The following FCHSD2 variants were observed in gnomAD, a reference collection of about 807,000 sequenced individuals.
FCHSD2 encodes FCH and double SH3 domains 2.
A neutral mutation model predicts 108.1 loss-of-function variants in FCHSD2; 38 were observed. The observed-to-expected ratio is 0.35, with a 90% confidence interval of 0.27 to 0.46. FCHSD2 has a LOEUF of 0.46. Ranked by LOEUF, FCHSD2 falls within the 20% of genes least tolerant of loss-of-function variation. The probability of loss-of-function intolerance (pLI) is 1.00; values close to 1 mark genes in which losing one functional copy is unlikely to be tolerated. For missense variants in FCHSD2, 751 were observed against 897.8 expected (o/e 0.84, Z 2.09); for synonymous variants, 279 against 314.7 (o/e 0.89, Z 1.20).
intron 2 of FCHSD2, among the ~76,000 whole-genome samples, chr11:73,108,851 G>T (rs916636723): frequency 2.6e-5 from 4 of 152,190 alleles, no homozygotes; most frequent in African/African-American, 9.7e-5. Flanking sequence ...GATTACAGGC[G>T]TGAGCCACCG....
chr11:72,850,221 C>A (rs1219386429), intron 13 of FCHSD2, among the ~76,000 whole-genome samples: 2 of 151,966 alleles, frequency 1.3e-5, no homozygotes, highest in African/African-American at 4.8e-5. Flanking sequence ...CACCACCACA[C>A]CTGGCTAATT....
At chr11:72,909,175 T>C (rs973430231) in intron 9 of FCHSD2, among the ~76,000 whole-genome samples, 1 of 152,078 alleles carries the variant, frequency 6.6e-6, no homozygotes, top group Non-Finnish European at 1.5e-5. Flanking sequence ...TGTCTGGGAT[T>C]GCAGGCACAC....
chr11:73,069,562 A>G (rs1363354735), intron 3 of FCHSD2, among the ~76,000 whole-genome samples: 1 of 152,120 alleles, frequency 6.6e-6, no homozygotes, highest in African/African-American at 2.4e-5. Flanking sequence ...TAAATAGACA[A>G]TTGGTGAGTT....
At position 72,896,629 on chromosome 11, in the gene FCHSD2, C is replaced by G. The variant is rs569852212; in HGVS notation, c.924+5914G>C. 2.0e-5 allele frequency among the ~76,000 whole-genome samples: 3 copies of G among 152,060 alleles called. No individual in the cohort carries two copies. In the South Asian group the frequency reaches 6.2e-4, roughly 32 times the overall value. On this transcript the variant is annotated intron_variant, in intron 10 of 19. Transcript: ENST00000409418. ...TAAGTAGAACAAAAGTCCCAAGGGACTTTTAGTGATCAATCCAATAAGGGA... is the reference window on the plus strand; with the variant it reads ...TAAGTAGAACAAAAGTCCCAAGGGAGTTTTAGTGATCAATCCAATAAGGGA...
At chr11:73,066,776 C>A (rs560684304) in intron 3 of FCHSD2, among the ~76,000 whole-genome samples, 1 of 152,144 alleles carries the variant, frequency 6.6e-6, no homozygotes, top group East Asian at 1.9e-4. Flanking sequence ...ATCAAAACCA[C>A]AATGAGATAT....
At chr11:72,958,041 C>T (rs1856747926) in intron 8 of FCHSD2, among the ~76,000 whole-genome samples, 1 of 152,166 alleles carries the variant, frequency 6.6e-6, no homozygotes, top group Non-Finnish European at 1.5e-5. Context: ...TGTCTAAACA[C>T]ACGACTCTTA....
chr11:72,988,966 T>C lies in FCHSD2; in HGVS notation c.519A>G (p.Ala173=). Residue 173 remains alanine, a splice_region_variant and synonymous_variant, in exon 6 of 20, where the codon GCA becomes GCG. Transcript: ENST00000409418. Reference sequence around the variant, plus strand: ...CTCAGAAATGTTAAAACACATACTTTGCCTCGATGTCAGCTTTCTCTCGTA... The same window carrying C: ...CTCAGAAATGTTAAAACACATACTTCGCCTCGATGTCAGCTTTCTCTCGTA... The part of the protein sequence containing the change: ...HAVREKADIE[A]KSKLSLFQSR... The C allele has an allele frequency of 1.2e-6, 2 of 1,601,526 alleles. No individual in the cohort carries two copies. The highest frequency in any genetic ancestry group is 1.7e-6 in the Non-Finnish European group (2 of 1,175,464).
rs905985646 is a variant in FCHSD2 at position 72,838,515 on chromosome 11, C to G, written c.*276G>C. 1.8e-5 allele frequency: 9 copies of G among 492,874 alleles called. No homozygotes were observed. Among genetic ancestry groups the G allele is most frequent in the Non-Finnish European group, 3.0e-5 (8 of 270,408 alleles). The allele number at this position is 492,874 out of a possible 1,614,324, so 30.5% of individuals were successfully genotyped here. A position where few individuals can be genotyped will look rare whatever the true frequency, so the allele number is the denominator to read the frequency against. ...TTGAGTCTCATATAAAAACAGACCA[C>G]TGTTAGGCATGAGGGCTGCCCCCCT... is the stretch of plus-strand genomic sequence containing the variant. On this transcript the variant is annotated 3_prime_UTR_variant, in exon 20 of 20. Coordinates refer to ENST00000409418, the MANE Select transcript of FCHSD2 (RefSeq NM_014824.3).
At chr11:73,096,988 T>A (rs866959492) in intron 2 of FCHSD2, among the ~76,000 whole-genome samples, 20 of 44,980 alleles carry the variant, frequency 4.4e-4, no homozygotes, top group African/African-American at 1.5e-3. Context: ...CATTGATGGA[T>A]TTTTTTTTTT....
At chr11:72,979,797 C>G (rs1857178265) in intron 8 of FCHSD2, among the ~76,000 whole-genome samples, 1 of 151,812 alleles carries the variant, frequency 6.6e-6, no homozygotes, top group African/African-American at 2.4e-5. Context: ...AACTGGAGAT[C>G]TAACACAACA....
chr11:72,922,289 G>A (rs906603490), intron 8 of FCHSD2, among the ~76,000 whole-genome samples: 5 of 152,104 alleles, frequency 3.3e-5, no homozygotes, highest in African/African-American at 9.7e-5. Flanking sequence ...AAGGATGCAG[G>A]TGCAGTGCCT....
chr11:73,142,037 G>T lies in FCHSD2; in HGVS notation c.-160C>A. 1.5e-6 allele frequency: 1 copy of T among 647,298 alleles called. No homozygotes were observed. The highest frequency in any genetic ancestry group is 1.9e-5 in the South Asian group (1 of 51,356). The allele number at this position is 647,298 out of a possible 1,614,324, so 40.1% of individuals were successfully genotyped here. A position where few individuals can be genotyped will look rare whatever the true frequency, so the allele number is the denominator to read the frequency against. ...CCCGGAGGGAGCAGGCCAGCGGGCGGCAGGCGGACCCCAGCCAGAGAGCGA... is the reference window on the plus strand; with the variant it reads ...CCCGGAGGGAGCAGGCCAGCGGGCGTCAGGCGGACCCCAGCCAGAGAGCGA... On this transcript the variant is annotated 5_prime_UTR_variant, in exon 1 of 20. Coordinates refer to ENST00000409418, the MANE Select transcript of FCHSD2 (RefSeq NM_014824.3).
chr11:72,914,933 C>T (rs538002426), intron 9 of FCHSD2, among the ~76,000 whole-genome samples: 64 of 143,494 alleles, frequency 4.5e-4, no homozygotes, highest in African/African-American at 1.4e-3. Flanking sequence ...AAACTATCAA[C>T]GGAATAAAAA....
chr11:72,891,586 A>C (rs1855315820), intron 10 of FCHSD2, among the ~76,000 whole-genome samples: 1 of 152,242 alleles, frequency 6.6e-6, no homozygotes, highest in Non-Finnish European at 1.5e-5. Context: ...TTAAAGTGTT[A>C]AACTCTGGAC....
intron 10 of FCHSD2, among the ~76,000 whole-genome samples, chr11:72,901,804 A>C (rs1172046516): frequency 6.6e-6 from 1 of 152,140 alleles, no homozygotes; most frequent in East Asian, 1.9e-4. Context: ...ATAATCTTTT[A>C]TAAGACCAAC....
chr11:72,932,951 T>C (rs566044513), intron 8 of FCHSD2, among the ~76,000 whole-genome samples: 21 of 152,356 alleles, frequency 1.4e-4, no homozygotes, highest in African/African-American at 5.0e-4. Flanking sequence ...TTACATAACA[T>C]TTATAAAATC....
At chr11:72,954,196 ATTTTTTTTTTT>A (rs57517075) in intron 8 of FCHSD2, among the ~76,000 whole-genome samples, 1 of 111,702 alleles carries the variant, frequency 9.0e-6, no homozygotes, top group African/African-American at 3.4e-5. Flanking sequence ...AGATGTGGGG[ATTTTTTTTTTT>A]TTTTTTTTTT....
chr11:72,951,416 C>T (rs1591429203), intron 8 of FCHSD2, among the ~76,000 whole-genome samples: 1 of 152,188 alleles, frequency 6.6e-6, no homozygotes, highest in Admixed American at 6.5e-5. Context: ...CGACAGATTA[C>T]GCAGCTCTAG....
At chr11:72,918,074 A>G (rs1357061137) in intron 9 of FCHSD2, among the ~76,000 whole-genome samples, 1 of 152,152 alleles carries the variant, frequency 6.6e-6, no homozygotes, top group African/African-American at 2.4e-5. Context: ...TATTTCTTTC[A>G]GCAATGTTTT....
Sources: gnomAD v4.1 joint callset for allele counts (sites outside exome capture counted in the v4.1 genomes callset) on GRCh38, gnomAD v4.1.1 for gene constraint, MANE v1.5 for transcripts, NCBI Gene and HGNC (gene_info 2026-07-23, HGNC 2026-07-21) for gene names.